SNTB2: variants seen among roughly 807,000 people sequenced by gnomAD.
SNTB2 encodes the protein beta-2-syntrophin.
A neutral mutation model predicts 46.2 loss-of-function variants in SNTB2; 34 were observed. The ratio of observed to expected loss-of-function variants is 0.74; its 90% CI spans 0.56 to 0.98. SNTB2 has a LOEUF of 0.98. SNTB2 is among the 50% of genes least tolerant of loss of function. The pLI is 0.00. For synonymous variants in SNTB2, 290 were observed against 312.6 expected, an observed-to-expected ratio of 0.93 and a Z score of 0.76; for missense variants, 603 against 731.4, an observed-to-expected ratio of 0.82 and a Z score of 2.02.
chr16:69,276,664 C>T (rs1170352677), intron 4 of SNTB2, among the ~76,000 whole-genome samples: 1 of 152,118 alleles, frequency 6.6e-6, no homozygotes. Context: ...CTTCATGGAC[C>T]TCTGCGGATC....
chr16:69,240,760 G>GT (rs746965032), intron 1 of SNTB2: 5 of 152,228 alleles, frequency 3.3e-5, no homozygotes, highest in Non-Finnish European at 7.3e-5. Flanking sequence ...TATAAAAGAG[G>GT]TTGATCCATT....
Position 69,300,957 on chromosome 16 carries a change from C to A in SNTB2, c.*33C>A. The stretch of plus-strand genomic sequence containing the variant: ...AAAATCAGAAAAGAGCCTTGACTGT[C>A]ACAAGAAATATTTCCACCTCAAAAA... On this transcript the variant is annotated 3_prime_UTR_variant, in exon 7 of 7. Transcript: ENST00000336278. 5 of 1,289,532 alleles carry A rather than the reference C, an allele frequency of 3.9e-6. No homozygotes were observed. Among genetic ancestry groups the A allele is most frequent in the Non-Finnish European group, 4.5e-6 (4 of 894,822 alleles). The allele number at this position is 1,289,532 out of a possible 1,614,324, so 79.9% of individuals were successfully genotyped here. A position where few individuals can be genotyped will look rare whatever the true frequency, so the allele number is the denominator to read the frequency against.
rs116117377 is a variant in SNTB2, at chr16:69,197,515, A to T, written c.580+9769A>T. On this transcript the variant is annotated intron_variant, in intron 1 of 6. Transcript: ENST00000336278. ...TTCTGAAATATCTTGTAATAATTGT[A>T]TTCATTATCTGCAAACTGTTTTGTA... Among the ~76,000 whole-genome samples, 743 of 152,286 alleles carry T rather than the reference A, an allele frequency of 4.9e-3. 3 individuals are homozygous for T. Among genetic ancestry groups the T allele is most frequent in the African/African-American group, 0.017 (724 of 41,548 alleles).
chr16:69,245,614 G>A lies in SNTB2; in HGVS notation c.593G>A (p.Arg198Gln), dbSNP rs753390966. The change falls in exon 2 of 7, where the codon CGA (arginine) becomes CAA (glutamine). Residue 198 changes from arginine (R) to glutamine (Q), a missense_variant. This residue lies in a region of SNTB2 where 537 missense variants were observed against 692.4 expected (regional missense o/e 0.78). Coordinates refer to ENST00000336278, the MANE Select transcript of SNTB2 (RefSeq NM_006750.4). ...KEVLLEVKFI[R>Q]EVTPYIKKPS... ...TTTTTGTTCATAGTCAAGTTCATCC[G>A]AGAAGTAACACCATATATCAAGAAG... 6 of 1,613,798 alleles carry A rather than the reference G, an allele frequency of 3.7e-6. No homozygotes were observed. Among genetic ancestry groups the A allele is most frequent in the East Asian group, 2.2e-5 (1 of 44,880 alleles).
At chr16:69,273,514 G>T (rs1309141127) in intron 4 of SNTB2, among the ~76,000 whole-genome samples, 2 of 152,308 alleles carry the variant, frequency 1.3e-5, no homozygotes, top group African/African-American at 4.8e-5. Flanking sequence ...TATATGGAAA[G>T]TTCAGGATAG....
chr16:69,263,441 G>A (rs527639382), intron 3 of SNTB2, among the ~76,000 whole-genome samples: 9 of 143,502 alleles, frequency 6.3e-5, no homozygotes, highest in East Asian at 2.1e-4. Flanking sequence ...TTTTTGAGAC[G>A]GAGTTTCGCT....
intron 4 of SNTB2, among the ~76,000 whole-genome samples, chr16:69,276,589 G>A (rs1964987334): frequency 6.6e-6 from 1 of 152,186 alleles, no homozygotes; most frequent in Non-Finnish European, 1.5e-5. Context: ...TTCTGAGGTA[G>A]CTAATGTTTA....
intron 1 of SNTB2, among the ~76,000 whole-genome samples, chr16:69,202,778 G>C (rs1485676766): frequency 6.6e-6 from 1 of 152,044 alleles, no homozygotes; most frequent in South Asian, 2.1e-4. Flanking sequence ...GTTTCGCCAT[G>C]TTGGCCAGGC....
At chr16:69,253,191 A>C (rs1964742297) in intron 2 of SNTB2, among the ~76,000 whole-genome samples, 1 of 151,114 alleles carries the variant, frequency 6.6e-6, no homozygotes. Flanking sequence ...GAGCCACCAC[A>C]CCTGGCCCCC....
At chr16:69,188,565 G>A (rs1190101913) in intron 1 of SNTB2, among the ~76,000 whole-genome samples, 1 of 152,126 alleles carries the variant, frequency 6.6e-6, no homozygotes, top group Non-Finnish European at 1.5e-5. Flanking sequence ...TTGAACTAAG[G>A]CAAAAATAAA....
chr16:69,278,066 C>A (rs1964998955), intron 4 of SNTB2, among the ~76,000 whole-genome samples: 1 of 152,152 alleles, frequency 6.6e-6, no homozygotes, highest in African/African-American at 2.4e-5. Context: ...CCTATTGTCC[C>A]AACTACTTGG....
chr16:69,234,941 G>C (rs1371773876), intron 1 of SNTB2, among the ~76,000 whole-genome samples: 2 of 152,088 alleles, frequency 1.3e-5, no homozygotes, highest in African/African-American at 4.8e-5. Context: ...GACCTCAGGT[G>C]ATCCACCCGC....
chr16:69,235,652 C>A, intron 1 of SNTB2: 4 of 1,203,804 alleles, frequency 3.3e-6, no homozygotes, highest in South Asian at 1.5e-5. Flanking sequence ...AGAAAGAAAA[C>A]AAAACAAAAA....
rs1184750400 is a variant in SNTB2, at chr16:69,292,448, AT to A, written c.1346-7132del. Among the ~76,000 whole-genome samples, 72 of 63,842 alleles carry A rather than the reference AT, an allele frequency of 1.1e-3. 1 individual carries two copies. The East Asian group carries it at 0.019, about 17-fold the overall frequency. The allele number at this position is 63,842 out of a possible 152,430, so 41.9% of individuals were successfully genotyped here. On this transcript the variant is annotated intron_variant, in intron 5 of 6. Transcript: ENST00000336278. ...TATATATATATATTATATATATATAATTTTTTTTTTGAGACAGAGTTTTGCT... is the reference window on the plus strand; with the variant it reads ...TATATATATATATTATATATATATAATTTTTTTTTGAGACAGAGTTTTGCT...
intron 1 of SNTB2, among the ~76,000 whole-genome samples, chr16:69,194,039 G>C (rs1225506238): frequency 6.6e-6 from 1 of 152,178 alleles, no homozygotes; most frequent in Non-Finnish European, 1.5e-5. Flanking sequence ...TTTCCAAATA[G>C]TTAACTGATT....
chr16:69,220,647 C>T (rs1024590594), intron 1 of SNTB2, among the ~76,000 whole-genome samples: 1 of 152,002 alleles, frequency 6.6e-6, no homozygotes, highest in Non-Finnish European at 1.5e-5. Flanking sequence ...TCTGCCTCAG[C>T]CTTCCTAGTA....
intron 1 of SNTB2, among the ~76,000 whole-genome samples, chr16:69,227,519 C>T (rs1401882608): frequency 1.3e-5 from 2 of 152,078 alleles, no homozygotes; most frequent in Non-Finnish European, 2.9e-5. Flanking sequence ...ATAATGTATT[C>T]AAGGCCTAAT....
intron 1 of SNTB2, among the ~76,000 whole-genome samples, chr16:69,210,842 A>C (rs567965767): frequency 6.6e-6 from 1 of 152,146 alleles, no homozygotes; most frequent in Admixed American, 6.5e-5. Flanking sequence ...AAAATACAAA[A>C]ATTAGTCAGG....
At chr16:69,268,908 G>A (rs532679074) in intron 3 of SNTB2, among the ~76,000 whole-genome samples, 15 of 151,900 alleles carry the variant, frequency 9.9e-5, no homozygotes, top group African/African-American at 3.1e-4. Flanking sequence ...AGTGGCTCAC[G>A]CCTGTAATCC....
Sources: allele counts gnomAD v4.1 joint callset (sites outside exome capture counted in the v4.1 genomes callset), GRCh38; gene constraint gnomAD v4.1.1; regional missense constraint gnomAD v4.1.1; transcripts MANE v1.5; gene names NCBI Gene and HGNC (gene_info 2026-07-23, HGNC 2026-07-21).